Variants in TNC observed in about 807,000 individuals in gnomAD.
TNC encodes the protein tenascin.
A neutral mutation model predicts 202.4 loss-of-function variants in TNC; 109 were observed. That is an observed-to-expected ratio of 0.54 (90% CI 0.46 to 0.63). TNC has a LOEUF of 0.63. Ranked by LOEUF, TNC falls within the 30% of genes least tolerant of loss-of-function variation. The pLI, the probability that TNC is intolerant of heterozygous loss-of-function variation, is 0.00. For missense variants in TNC, 2,756 were observed against 2,833.3 expected, an observed-to-expected ratio of 0.97 and a Z score of 0.62; for synonymous variants, 1,007 against 1,089.7, an observed-to-expected ratio of 0.92 and a Z score of 1.50.
intron 6 of TNC, 40 bp from the exon 7 acceptor site, chr9:115,078,252 G>A (rs776820555): frequency 1.9e-6 from 3 of 1,566,570 alleles, no homozygotes; most frequent in African/African-American, 1.3e-5. Flanking sequence ...AGAGGTTAGG[G>A]CCATTGCCTG....
At chr9:115,043,126 G>A (rs981054108) in intron 17 of TNC, among the ~76,000 whole-genome samples, 2 of 152,064 alleles carry the variant, frequency 1.3e-5, no homozygotes, top group Admixed American at 6.6e-5. Flanking sequence ...TTTTGGCTGC[G>A]ATTTTTGCCC....
At position 115,031,626 on chromosome 9, in the gene TNC, G is replaced by A. The variant is rs1294207550; in HGVS notation, c.5847C>T (p.Thr1949=). Residue 1949 remains threonine (T), a synonymous_variant, in exon 23 of 28, where the codon ACC becomes ACT. Coordinates refer to ENST00000350763, the MANE Select transcript of TNC (RefSeq NM_002160.4). ...SYSLADLSPS[T]HYTAKIQALN... is the part of the protein sequence containing the mutation. ...GTGCCTGGATCTTGGCTGTGTAGTG[G>A]GTGGATGGGCTCAGGTCTGCCAGGC... The A allele has an allele frequency of 1.2e-6, 2 of 1,612,728 alleles. No homozygotes were observed. The highest frequency in any genetic ancestry group is 1.3e-5 in the African/African-American group (1 of 74,882).
intron 1 of TNC, among the ~76,000 whole-genome samples, chr9:115,100,508 C>T (rs1162085479): frequency 6.6e-6 from 1 of 152,218 alleles, no homozygotes; most frequent in Non-Finnish European, 1.5e-5. Context: ...CACCCAGAGT[C>T]ACTAGCTAAT....
At chr9:115,083,364 TA>T (rs1834453899) in intron 4 of TNC, among the ~76,000 whole-genome samples, 3 of 152,160 alleles carry the variant, frequency 2.0e-5, no homozygotes, top group Non-Finnish European at 2.9e-5. Flanking sequence ...GCTAAACTCA[TA>T]AACCAGAATG....
intron 10 of TNC, among the ~76,000 whole-genome samples, chr9:115,069,750 CCCTCCCTCCCTCCCTCCCTCCCTCCCTT>C (rs1833302991): frequency 1.2e-3 from 7 of 6,032 alleles, no homozygotes; most frequent in South Asian, 0.019. Flanking sequence ...CTCCCTCCCT[CCCTCCCTCCCTCCCTCCCTCCCTCCCTT>C]CCTTCCTTCC....
rs1587972003 is a variant in TNC at position 115,020,992 on chromosome 9, T to C, written c.*165A>G. The C allele has an allele frequency of 3.5e-6, 2 of 574,404 alleles. No homozygotes were observed. The highest frequency in any genetic ancestry group is 4.7e-5 in the South Asian group (2 of 42,580). The allele number at this position is 574,404 out of a possible 1,614,324, so 35.6% of individuals were successfully genotyped here. A position where few individuals can be genotyped will look rare whatever the true frequency, so the allele number is the denominator to read the frequency against. On this transcript the variant is annotated 3_prime_UTR_variant, in exon 28 of 28. Coordinates refer to ENST00000350763, the MANE Select transcript of TNC (RefSeq NM_002160.4). ...GCAAAGAAAGAAATCACAGAGGAGG[T>C]GAGGCCCATGCTGTTGCCGTTGGCC...
intron 1 of TNC, 41 bp from the exon 2 acceptor site, chr9:115,091,195 A>G (rs1005713382): frequency 1.7e-6 from 1 of 590,824 alleles, no homozygotes. Context: ...AGTATCTACT[A>G]TTGAATATAT....
chr9:115,063,670 A>C, intron 12 of TNC, 126 bp downstream of exon 12: 1 of 1,056,050 alleles, frequency 9.5e-7, no homozygotes, highest in Non-Finnish European at 1.4e-6. Flanking sequence ...GAAGAAGCAG[A>C]GATGATTCAC....
At chr9:115,047,626 C>A (rs990037659) in intron 16 of TNC, among the ~76,000 whole-genome samples, 16 of 152,116 alleles carry the variant, frequency 1.1e-4, no homozygotes, top group African/African-American at 3.9e-4. Flanking sequence ...AATTTCCTCA[C>A]CGAGTAGGAC....
At chr9:115,038,920 C>T (rs1056911286) in intron 19 of TNC, among the ~76,000 whole-genome samples, 5 of 152,084 alleles carry the variant, frequency 3.3e-5, no homozygotes, top group East Asian at 1.9e-4. Context: ...CTCTGCCTCC[C>T]GGGTTCAAGC....
chr9:115,063,102 T>C lies in TNC; in HGVS notation c.3848A>G (p.Tyr1283Cys). ...CTGGACCTGAATAGTAAACTGGTCA[T>C]AGGTTCCATCTGGCGTGGTCCAGTT... ...RLNWTTPDGT[Y>C]DQFTIQVQEA... The change falls in exon 13 of 28, where the codon TAT (tyrosine) becomes TGT (cysteine). Residue 1283 changes from tyrosine (Y) to cysteine (C), a missense_variant. This residue lies in a region of TNC where 2,559 missense variants were observed against 2,546.0 expected (regional missense o/e 1.01). Transcript: ENST00000350763. 1.2e-6 allele frequency: 2 copies of C among 1,614,184 alleles called. No homozygotes were observed. The highest frequency in any genetic ancestry group is 1.7e-6 in the Non-Finnish European group (2 of 1,180,012).
At chr9:115,082,640 T>A in intron 5 of TNC, 52 bp downstream of exon 5, 1 of 1,362,000 alleles carries the variant, frequency 7.3e-7, no homozygotes, top group South Asian at 1.2e-5. Context: ...AACCCTTTGG[T>A]CATCTTTCAA....
Position 115,087,152 on chromosome 9 carries a change from G to A in TNC, c.579C>T (p.Asn193=). ...PNCSEPECPG[N]CHLRGRCIDG... ...CAATGCACCGGCCTCGAAGGTGACA[G>A]TTGCCTGGACATTCGGGCTCAGAGC... The change falls in exon 3 of 28, where the codon AAC becomes AAT. Residue 193 remains asparagine (N), a synonymous_variant. Transcript: ENST00000350763. 1 of 1,614,252 alleles carries A rather than the reference G, an allele frequency of 6.2e-7. No individual in the cohort carries two copies. Among genetic ancestry groups the A allele is most frequent in the South Asian group, 1.1e-5 (1 of 91,090 alleles).
At chr9:115,045,122 T>C (rs1831075420) in intron 17 of TNC, among the ~76,000 whole-genome samples, 1 of 152,164 alleles carries the variant, frequency 6.6e-6, no homozygotes, top group South Asian at 2.1e-4. Context: ...AGAGTCTTCA[T>C]GCACAAACAG....
chr9:115,105,157 C>T (rs992194232), intron 1 of TNC, among the ~76,000 whole-genome samples: 4 of 152,164 alleles, frequency 2.6e-5, no homozygotes, highest in African/African-American at 4.8e-5. Context: ...GAATATGACT[C>T]ATGAAACAAA....
Position 115,063,917 on chromosome 9 carries a change from G to A in TNC, c.3639C>T (p.Val1213=). ...GGTCTGTGGACCTCAGTCCTCCTGG[G>A]ACGGTGAGGTTCTGGGCTGCCTCTA... ...DTVEAAQNLT[V]PGGLRSTDLP... The change falls in exon 12 of 28, where the codon GTC becomes GTT. Residue 1213 remains valine (V), a synonymous_variant. Transcript: ENST00000350763. 6.2e-7 allele frequency: 1 copy of A among 1,614,160 alleles called. No homozygotes were observed. Among genetic ancestry groups the A allele is most frequent in the Non-Finnish European group, 8.5e-7 (1 of 1,180,022 alleles).
At chr9:115,080,755 CA>C (rs368989830) in intron 6 of TNC, among the ~76,000 whole-genome samples, 3 of 151,900 alleles carry the variant, frequency 2.0e-5, no homozygotes, top group African/African-American at 7.3e-5. Flanking sequence ...TACTAAAATA[CA>C]AAAAAATTAG....
rs748070530 is a variant in TNC, at chr9:115,048,259, C to T, written c.4852+1G>A. The T allele has an allele frequency of 1.6e-5, 25 of 1,612,602 alleles. No homozygotes were observed. The highest frequency in any genetic ancestry group is 2.0e-5 in the Non-Finnish European group (24 of 1,179,248). ...CAAATGGCTCACTTGATTTGAAATA[C>T]CTGTAACAATCTCAGCCCTCAAGGG... is the stretch of plus-strand genomic sequence containing the variant. On this transcript the variant is annotated splice_donor_variant, in intron 16 of 27. Coordinates refer to ENST00000350763, the MANE Select transcript of TNC (RefSeq NM_002160.4). LOFTEE classifies it high-confidence loss of function.
At chr9:115,100,907 C>A (rs944493235) in intron 1 of TNC, among the ~76,000 whole-genome samples, 1 of 151,960 alleles carries the variant, frequency 6.6e-6, no homozygotes, top group Non-Finnish European at 1.5e-5. Context: ...GGGAAAAAAA[C>A]CTTTAAAAAT....
Sources: allele counts gnomAD v4.1 joint callset (sites outside exome capture counted in the v4.1 genomes callset), GRCh38; gene constraint gnomAD v4.1.1; regional missense constraint gnomAD v4.1.1; transcripts MANE v1.5; gene names NCBI Gene and HGNC (gene_info 2026-07-23, HGNC 2026-07-21).